Variants in ST6GALNAC3 observed in about 807,000 individuals in gnomAD.
ST6GALNAC3 encodes the protein ST6 N-acetylgalactosaminide alpha-2,6-sialyltransferase 3.
ST6GALNAC3 carries 25 observed loss-of-function variants against 32.7 expected under a neutral mutation model. That is an observed-to-expected ratio of 0.76 (90% confidence interval 0.56 to 1.07). The LOEUF (loss-of-function observed/expected upper bound fraction) is 1.07. Among genes scored for constraint, ST6GALNAC3 ranks in the 50% least tolerant of loss-of-function variants. The pLI is 0.00. For synonymous variants in ST6GALNAC3, 129 were observed against 133.1 expected (o/e 0.97, Z 0.21); for missense variants, 355 against 382.4 (o/e 0.93, Z 0.60).
At chr1:76,204,186 T>C (rs1009778583) in intron 1 of ST6GALNAC3, among the ~76,000 whole-genome samples, 9 of 152,202 alleles carry the variant, frequency 5.9e-5, no homozygotes, top group Admixed American at 1.3e-4. Context: ...TTACCTAACA[T>C]AATGACCTCC....
intron 1 of ST6GALNAC3, among the ~76,000 whole-genome samples, chr1:76,202,490 C>T (rs1198691652): frequency 3.9e-5 from 6 of 152,114 alleles, no homozygotes; most frequent in South Asian, 2.1e-4. Context: ...CCCACCTCCA[C>T]CCCAAGTTCT....
At chr1:76,241,203 C>A (rs2100666838) in intron 1 of ST6GALNAC3, among the ~76,000 whole-genome samples, 1 of 152,166 alleles carries the variant, frequency 6.6e-6, no homozygotes, top group South Asian at 2.1e-4. Context: ...TATTGAGTAC[C>A]TTTCTTAGTC....
In ST6GALNAC3 at chr1:76,089,209, T is replaced by A. The variant is rs1057218525; in HGVS notation, c.18+14325T>A. The stretch of plus-strand genomic sequence containing the variant: ...ACGCCCGGCTAATTTTATTTTATTT[T>A]ATTTATTTATTTATTTATTTTTTAG... On this transcript the variant is annotated intron_variant, in intron 1 of 4. Transcript: ENST00000328299. Among the ~76,000 whole-genome samples the A allele has an allele frequency of 3.4e-4, 51 of 151,910 alleles. 1 individual carries two copies. Among genetic ancestry groups the A allele is most frequent in the Middle Eastern group, 3.4e-3 (1 of 292 alleles).
chr1:76,104,591 C>T (rs930007426), intron 1 of ST6GALNAC3, among the ~76,000 whole-genome samples: 2 of 150,066 alleles, frequency 1.3e-5, no homozygotes, highest in African/African-American at 4.9e-5. Context: ...TTCTTCCTTC[C>T]CTTGATCCTG....
chr1:76,573,551 G>A (rs545395772), intron 3 of ST6GALNAC3, among the ~76,000 whole-genome samples: 56 of 152,064 alleles, frequency 3.7e-4, no homozygotes, highest in African/African-American at 1.3e-3. Flanking sequence ...CATTGTTTGT[G>A]TTACACCTAC....
chr1:76,308,009 A>C (rs1661167647), intron 1 of ST6GALNAC3: 15 of 436,510 alleles, frequency 3.4e-5, no homozygotes, highest in South Asian at 2.4e-4. Flanking sequence ...TAAATGTCTC[A>C]GCTGTTAAAG....
chr1:76,470,171 A>T (rs1343833242), intron 3 of ST6GALNAC3, among the ~76,000 whole-genome samples: 1 of 152,004 alleles, frequency 6.6e-6, no homozygotes, highest in Non-Finnish European at 1.5e-5. Flanking sequence ...TTTTTCCTGA[A>T]TTTTCTTTCT....
At chr1:76,190,723 G>A (rs769026064) in intron 1 of ST6GALNAC3, among the ~76,000 whole-genome samples, 2 of 152,176 alleles carry the variant, frequency 1.3e-5, no homozygotes, top group Admixed American at 1.3e-4. Context: ...GTAAGGTAAA[G>A]CTTTTTAGCC....
chr1:76,113,504 T>TG (rs1416314361), intron 1 of ST6GALNAC3, among the ~76,000 whole-genome samples: 1 of 151,930 alleles, frequency 6.6e-6, no homozygotes, highest in Non-Finnish European at 1.5e-5. Flanking sequence ...TTACATACTT[T>TG]TTTTTGGTTT....
chr1:76,270,148 A>G (rs1342938096), intron 1 of ST6GALNAC3, among the ~76,000 whole-genome samples: 1 of 152,210 alleles, frequency 6.6e-6, no homozygotes, highest in Non-Finnish European at 1.5e-5. Context: ...TTTTGATATT[A>G]ATGTACTTTT....
intron 3 of ST6GALNAC3, among the ~76,000 whole-genome samples, chr1:76,421,925 T>C (rs1269288424): frequency 6.6e-6 from 1 of 151,984 alleles, no homozygotes. Context: ...TTCTGATGAG[T>C]CTACCATGAT....
At chr1:76,608,597 ATGTGTGTGTGTGTGTGTGTGTG>A (rs60960904) in intron 3 of ST6GALNAC3, among the ~76,000 whole-genome samples, 5 of 135,160 alleles carry the variant, frequency 3.7e-5, no homozygotes, top group Admixed American at 7.4e-5. Context: ...TGAGCTGGAA[ATGTGTGTGTGTGTGTGTGTGTG>A]TGTGTGTGTG....
Position 76,261,009 on chromosome 1 carries a change from C to T in ST6GALNAC3, c.19-52796C>T, listed in dbSNP as rs886955434. Among the ~76,000 whole-genome samples, 3 of 151,696 alleles carry T rather than the reference C, an allele frequency of 2.0e-5. No homozygotes were observed. In the East Asian group the frequency reaches 5.8e-4, roughly 29 times the overall value. On this transcript the variant is annotated intron_variant, in intron 1 of 4. Coordinates refer to ENST00000328299, the MANE Select transcript of ST6GALNAC3 (RefSeq NM_152996.4). ...ACACACACACACACACACACACACA[C>T]ACGCTGTGAAATGGCCAAATCAAGC...
At chr1:76,165,342 T>C (rs1652054909) in intron 1 of ST6GALNAC3, among the ~76,000 whole-genome samples, 1 of 151,952 alleles carries the variant, frequency 6.6e-6, no homozygotes. Context: ...CTGTAAAAGA[T>C]ATGATCTTGT....
intron 1 of ST6GALNAC3, among the ~76,000 whole-genome samples, chr1:76,078,272 G>A (rs1277726289): frequency 6.6e-6 from 1 of 152,118 alleles, no homozygotes; most frequent in South Asian, 2.1e-4. Context: ...ATTGATTAAA[G>A]TATCATTATT....
intron 1 of ST6GALNAC3, among the ~76,000 whole-genome samples, chr1:76,124,682 T>C (rs1649128958): frequency 6.6e-6 from 1 of 152,204 alleles, no homozygotes; most frequent in Non-Finnish European, 1.5e-5. Flanking sequence ...CCAGTCTTTC[T>C]TTATGTGGAT....
At chr1:76,116,187 G>A (rs188504798) in intron 1 of ST6GALNAC3, among the ~76,000 whole-genome samples, 1 of 152,190 alleles carries the variant, frequency 6.6e-6, no homozygotes, top group Admixed American at 6.5e-5. Flanking sequence ...GAGTAAAAAG[G>A]TGCATCTGTC....
In ST6GALNAC3 at chr1:76,622,764, G is replaced by A. The variant is rs137903437; in HGVS notation, c.624-4688G>A. Among the ~76,000 whole-genome samples the A allele has an allele frequency of 5.2e-4, 79 of 152,020 alleles. No homozygotes were observed. In the East Asian group the frequency reaches 0.014, roughly 27 times the overall value. ...CAGAACCCAACTCATTGAGCTATTGGTATTCAATAATTAGCAGAGCATCCT... is the reference window on the plus strand; with the variant it reads ...CAGAACCCAACTCATTGAGCTATTGATATTCAATAATTAGCAGAGCATCCT... On this transcript the variant is annotated intron_variant, in intron 3 of 4. Transcript: ENST00000328299.
chr1:76,433,275 A>G lies in ST6GALNAC3; in HGVS notation c.623+20858A>G, dbSNP rs143430155. ...TGTTTTGATTTCATTTTTCCGTAAG[A>G]TTTTTGTTTGGTTGATTTTTTTTAA... On this transcript the variant is annotated intron_variant, in intron 3 of 4. Coordinates refer to ENST00000328299, the MANE Select transcript of ST6GALNAC3 (RefSeq NM_152996.4). Among the ~76,000 whole-genome samples the G allele has an allele frequency of 6.8e-3, 1,030 of 151,704 alleles. 12 individuals carry two copies. The highest frequency in any genetic ancestry group is 0.02 in the South Asian group (96 of 4,812).
Sources: gnomAD v4.1 joint callset for allele counts (sites outside exome capture counted in the v4.1 genomes callset) on GRCh38, gnomAD v4.1.1 for gene constraint, MANE v1.5 for transcripts, NCBI Gene and HGNC (gene_info 2026-07-23, HGNC 2026-07-21) for gene names.